The following HIVEP1 variants were observed in gnomAD, a reference collection of about 807,000 sequenced individuals.
HIVEP1 encodes zinc finger protein 40.
In HIVEP1, 36 loss-of-function variants were observed where a neutral mutation model predicts 180.0. The ratio of observed to expected loss-of-function variants is 0.20; its 90% CI spans 0.15 to 0.26. The LOEUF is 0.26. HIVEP1 is among the 10% of genes least tolerant of loss of function. HIVEP1 has a pLI of 1.00. For synonymous variants in HIVEP1, 1,239 were observed against 1,239.0 expected (o/e 1.00, Z 0.00); for missense variants, 3,143 against 3,268.7 (o/e 0.96, Z 0.94).
At chr6:12,064,004 C>T (rs919503920) in intron 2 of HIVEP1, among the ~76,000 whole-genome samples, 1 of 152,156 alleles carries the variant, frequency 6.6e-6, no homozygotes, top group Admixed American at 6.5e-5. Context: ...TGGCAAGGAA[C>T]ATGCCTTGGT....
intron 2 of HIVEP1, among the ~76,000 whole-genome samples, chr6:12,022,416 C>T (rs1349578613): frequency 3.3e-5 from 5 of 152,062 alleles, no homozygotes; most frequent in South Asian, 4.2e-4. Context: ...GTGATCCACC[C>T]GCCTCGGCCT....
chr6:12,207,028 G>T, the HIVEP1 span, among the ~76,000 whole-genome samples: 3 of 152,092 alleles, frequency 2.0e-5, no homozygotes, highest in African/African-American at 7.2e-5. Flanking sequence ...AATACAACAC[G>T]AGGAAATTGG....
chr6:12,129,296 G>T (rs1758280136), intron 4 of HIVEP1, among the ~76,000 whole-genome samples: 1 of 152,214 alleles, frequency 6.6e-6, no homozygotes, highest in Admixed American at 6.5e-5. Flanking sequence ...ATGCACTGAA[G>T]CTGAAGGAGA....
In HIVEP1 at chr6:12,078,321, C is replaced by T. The variant is rs541133056; in HGVS notation, c.41-10863C>T. Among the ~76,000 whole-genome samples the T allele has an allele frequency of 7.9e-5, 12 of 152,038 alleles. No homozygotes were observed. In the South Asian group the frequency reaches 1.5e-3, roughly 18 times the overall value. On this transcript the variant is annotated intron_variant, in intron 2 of 8. Transcript: ENST00000379388. ...TCCGCATTGTCAGGCTTGGTGCTGCCCCGTCTCTGTTGCTCAGATCCTCTG... is the reference window on the plus strand; with the variant it reads ...TCCGCATTGTCAGGCTTGGTGCTGCTCCGTCTCTGTTGCTCAGATCCTCTG...
chr6:12,066,994 G>T (rs1771636139), intron 2 of HIVEP1, among the ~76,000 whole-genome samples: 1 of 151,880 alleles, frequency 6.6e-6, no homozygotes, highest in African/African-American at 2.4e-5. Context: ...TAGTAATGTG[G>T]ATTCCAGATA....
chr6:12,124,075 G>C lies in HIVEP1; in HGVS notation c.4280G>C (p.Gly1427Ala). ...GTGCCTCTCTTAGAAAGAAGGAGAG[G>C]CCCACTGGTACGGCAAATATCTTTA... ...GHVPLLERRR[G>A]PLVRQISLNI... The change falls in exon 4 of 9, where the codon GGC becomes GCC. Residue 1427 changes from glycine (G) to alanine (A), a missense_variant. Physicochemically the swap from Gly to Ala is moderately conservative, Grantham distance 60. Around this residue, in one of 12 missense-constraint regions of HIVEP1, gnomAD observed 1,357 missense variants for 1,260.5 expected, o/e 1.08. Coordinates refer to ENST00000379388, the MANE Select transcript of HIVEP1 (RefSeq NM_002114.4). 1 of 1,614,064 alleles carries C rather than the reference G, an allele frequency of 6.2e-7. No homozygotes were observed. The highest frequency in any genetic ancestry group is 8.5e-7 in the Non-Finnish European group (1 of 1,179,962).
chr6:12,184,084 C>CA, the HIVEP1 span, among the ~76,000 whole-genome samples: 1 of 151,132 alleles, frequency 6.6e-6, no homozygotes, highest in East Asian at 1.9e-4. Flanking sequence ...GAAGTGGGAG[C>CA]AATTTGTCAG....
rs545571665 is a variant in HIVEP1, at chr6:12,028,564, A to G, written c.40+12896A>G. Among the ~76,000 whole-genome samples the G allele has an allele frequency of 2.6e-5, 4 of 152,314 alleles. No homozygotes were observed. In the South Asian group the frequency reaches 8.3e-4, roughly 32 times the overall value. On this transcript the variant is annotated intron_variant, in intron 2 of 8. Coordinates refer to ENST00000379388, the MANE Select transcript of HIVEP1 (RefSeq NM_002114.4). The stretch of plus-strand genomic sequence containing the variant: ...GTGATGAGTTATATATTCAGCATTC[A>G]TGTTAATATCTTCTTGGAAGAGCTA...
chr6:12,066,106 C>T (rs1240824920), intron 2 of HIVEP1, among the ~76,000 whole-genome samples: 2 of 152,110 alleles, frequency 1.3e-5, no homozygotes, highest in Non-Finnish European at 2.9e-5. Context: ...GTGGGCATCC[C>T]TAAAAGGCAG....
intron 7 of HIVEP1, among the ~76,000 whole-genome samples, chr6:12,148,364 C>A (rs1759497145): frequency 6.6e-6 from 1 of 152,178 alleles, no homozygotes; most frequent in African/African-American, 2.4e-5. Context: ...AGGCTCTTGG[C>A]AGCAGCTCTT....
At chr6:12,167,617 TGTATATATACATG>T (rs1760742179), downstream of HIVEP1, among the ~76,000 whole-genome samples, 1 of 107,012 alleles carries the variant, frequency 9.3e-6, no homozygotes, top group African/African-American at 3.4e-5. Flanking sequence ...TTATATTACA[TGTATATATACATG>T]TTATATATAC....
At chr6:12,033,387 C>T (rs1268005656) in intron 2 of HIVEP1, among the ~76,000 whole-genome samples, 2 of 151,626 alleles carry the variant, frequency 1.3e-5, no homozygotes, top group Non-Finnish European at 2.9e-5. Flanking sequence ...CAATGAGAGA[C>T]AGTAGCATTG....
intron 2 of HIVEP1, among the ~76,000 whole-genome samples, chr6:12,028,916 A>T (rs1032123707): frequency 2.6e-5 from 4 of 152,170 alleles, no homozygotes; most frequent in Non-Finnish European, 5.9e-5. Flanking sequence ...CTGGCTCTTT[A>T]CATTTGCCTA....
At chr6:12,008,811 T>TAAC (rs1767132281), upstream of HIVEP1, 1 of 152,220 alleles carries the variant, frequency 6.6e-6, no homozygotes, top group Non-Finnish European at 1.5e-5. Flanking sequence ...TTTCTGCTTT[T>TAAC]TTGTTTTTAA....
intron 3 of HIVEP1, among the ~76,000 whole-genome samples, chr6:12,105,895 A>G (rs923649427): frequency 6.6e-6 from 1 of 151,956 alleles, no homozygotes; most frequent in African/African-American, 2.4e-5. Context: ...TTTGCTTAAG[A>G]TCTGTTTCTA....
At chr6:12,078,881 G>A (rs911482422) in intron 2 of HIVEP1, among the ~76,000 whole-genome samples, 7 of 151,994 alleles carry the variant, frequency 4.6e-5, no homozygotes, top group Admixed American at 2.0e-4. Flanking sequence ...CCAACCATCC[G>A]TAAATCTGCA....
chr6:12,150,426 G>T (rs1235747376), intron 7 of HIVEP1, among the ~76,000 whole-genome samples: 2 of 152,184 alleles, frequency 1.3e-5, no homozygotes, highest in African/African-American at 4.8e-5. Flanking sequence ...CATTATTCTT[G>T]TTGGAGTTTA....
intron 2 of HIVEP1, among the ~76,000 whole-genome samples, chr6:12,056,898 A>G (rs955176799): frequency 2.6e-5 from 4 of 151,530 alleles, no homozygotes; most frequent in African/African-American, 4.9e-5. Context: ...GTGCAGTGGC[A>G]TGATCTTGGC....
chr6:12,054,591 G>A (rs111389613), intron 2 of HIVEP1, among the ~76,000 whole-genome samples: 3,264 of 151,852 alleles, frequency 0.021, 106 homozygotes, highest in African/African-American at 0.076. Flanking sequence ...AGTATTTTTC[G>A]GTGTCATTAA....
Sources: allele counts gnomAD v4.1 joint callset (sites outside exome capture counted in the v4.1 genomes callset), GRCh38; gene constraint gnomAD v4.1.1; regional missense constraint gnomAD v4.1.1; transcripts MANE v1.5; gene names NCBI Gene and HGNC (gene_info 2026-07-23, HGNC 2026-07-21).